Variants in PARP2 observed in about 807,000 individuals in gnomAD.
PARP2 encodes the protein poly(ADP-ribose) polymerase 2.
PARP2 carries 57 observed loss-of-function variants against 77.8 expected under a neutral mutation model. The ratio of observed to expected loss-of-function variants is 0.73; its 90% CI spans 0.59 to 0.91. The LOEUF is 0.91. PARP2 is among the 40% of genes least tolerant of loss of function. The probability of loss-of-function intolerance (pLI) is 0.00; values close to 1 mark genes in which losing one functional copy is unlikely to be tolerated. For synonymous variants in PARP2, 226 were observed against 242.6 expected (o/e 0.93, Z 0.64); for missense variants, 651 against 689.0 (o/e 0.94, Z 0.62).
intron 4 of PARP2, among the ~76,000 whole-genome samples, chr14:20,347,287 C>T (rs1296795297): frequency 7.0e-6 from 1 of 141,902 alleles, no homozygotes; most frequent in East Asian, 2.0e-4. Flanking sequence ...CCACCTCAGC[C>T]TCCCAAAATG....
At chr14:20,344,706 A>T in intron 1 of PARP2, among the ~76,000 whole-genome samples, 1 of 152,112 alleles carries the variant, frequency 6.6e-6, no homozygotes, top group African/African-American at 2.4e-5. Flanking sequence ...CCAGCTACTC[A>T]GGAGGCTGAG....
At chr14:20,343,788 C>G in intron 1 of PARP2, 101 bp downstream of exon 1, 1 of 1,278,794 alleles carries the variant, frequency 7.8e-7, no homozygotes, top group African/African-American at 1.5e-5. Flanking sequence ...CTCCCTATAA[C>G]CTGCACTTGG....
intron 7 of PARP2, among the ~76,000 whole-genome samples, chr14:20,353,297 A>G (rs892439950): frequency 2.6e-5 from 4 of 151,318 alleles, no homozygotes; most frequent in Non-Finnish European, 4.4e-5. Flanking sequence ...GCTGGAGTGC[A>G]GTGGCGCGAT....
intron 2 of PARP2, 139 bp downstream of exon 2, chr14:20,345,226 C>T: frequency 9.7e-7 from 1 of 1,026,706 alleles, no homozygotes; most frequent in Non-Finnish European, 1.5e-6. Flanking sequence ...CATACCACAG[C>T]ACTAATCTAC....
In PARP2 at chr14:20,357,656, A is replaced by G. The variant is rs751629734; in HGVS notation, c.1572A>G (p.Pro524=). The part of the protein sequence containing the change: ...HFVTLNGSTV[P]LGPASDTGIL... ...TTGGCAGGAATGGGAGTACAGTGCC[A>G]TTAGGACCAGCAAGTGACACAGGAA... Residue 524 remains proline, a synonymous_variant, in exon 16 of 16, where the codon CCA becomes CCG. Transcript: ENST00000429687. The G allele has an allele frequency of 1.9e-6, 3 of 1,613,616 alleles. No individual in the cohort carries two copies. Among genetic ancestry groups the G allele is most frequent in the African/African-American group, 1.3e-5 (1 of 74,910 alleles).
At position 20,346,911 on chromosome 14, in the gene PARP2, C is replaced by T; in HGVS notation, c.322C>T (p.Gln108Ter). 6.3e-7 allele frequency: 1 copy of T among 1,597,818 alleles called. No homozygotes were observed. The highest frequency in any genetic ancestry group is 1.3e-5 in the African/African-American group (1 of 74,310). The change falls in exon 4 of 16, where the codon CAG (glutamine) becomes TAG (stop). Residue 108 changes from glutamine to a stop codon, truncating the protein, a stop_gained and splice_region_variant. Coordinates refer to ENST00000429687, the MANE Select transcript of PARP2 (RefSeq NM_001042618.2). LOFTEE classifies it high-confidence loss of function. ...GNDVYDVMLN[Q>*]TNLQFNNNKY... ...TGATGTCTATGATGTCATGCTAAATCAGGTAAGAGGCAAGAAGAGGTGGCA... is the reference window on the plus strand; with the variant it reads ...TGATGTCTATGATGTCATGCTAAATTAGGTAAGAGGCAAGAAGAGGTGGCA...
In PARP2 at chr14:20,354,316, A is replaced by G. The variant is rs1225941949; in HGVS notation, c.763+69A>G. 5.6e-6 allele frequency: 7 copies of G among 1,242,442 alleles called. No homozygotes were observed. The African/African-American group carries it at 9.0e-5, about 16-fold the overall frequency. 77.0% of individuals were successfully genotyped at this position (1,242,442 alleles called of 1,614,324 possible). On this transcript the variant is annotated intron_variant, in intron 8 of 15. Transcript: ENST00000429687. ...TAGCTCCTTTAATGGATACTTTATT[A>G]TCATTATGATTTAAAGCTTGCTCAT...
Position 20,352,125 on chromosome 14 carries a change from G to A in PARP2, c.498-120G>A, listed in dbSNP as rs143587096. 5.7e-3 allele frequency: 3,028 copies of A among 528,478 alleles called. 15 individuals carry two copies. The highest frequency in any genetic ancestry group is 6.7e-3 in the Non-Finnish European group (1,985 of 297,618). 32.7% of individuals were successfully genotyped at this position (528,478 alleles called of 1,614,324 possible). ...TTAGACTAATTTTGATTTATGGAAAGTTGATGTGTAAAGGAGCTCAGTGCT... is the reference window on the plus strand; with the variant it reads ...TTAGACTAATTTTGATTTATGGAAAATTGATGTGTAAAGGAGCTCAGTGCT... On this transcript the variant is annotated intron_variant, in intron 6 of 15. Transcript: ENST00000429687.
rs531881554 is a variant in PARP2, at chr14:20,355,971, A to G, written c.1041A>G (p.Gln347=). ...ELQSPEHPLD[Q]HYRNLHCALR... ...AAAGCCCAGAACACCCATTGGACCA[A>G]CACTATAGAAACCTACATTGTGCCT... The change falls in exon 11 of 16, where the codon CAA becomes CAG. Residue 347 remains glutamine (Q), a synonymous_variant. Transcript: ENST00000429687. The G allele has an allele frequency of 6.2e-6, 10 of 1,614,128 alleles. No individual in the cohort carries two copies. The East Asian group carries it at 1.6e-4, about 25-fold the overall frequency.
Position 20,354,168 on chromosome 14 carries a change from A to G in PARP2, c.684A>G (p.Leu228=). Residue 228 remains leucine (L), a synonymous_variant, in exon 8 of 16, where the codon TTA becomes TTG. Coordinates refer to ENST00000429687, the MANE Select transcript of PARP2 (RefSeq NM_001042618.2). ...AGCTAGATCTTCGGGTACAGGAGTTAATAAAGTTGATCTGTAATGTTCAGG... is the reference window on the plus strand; with the variant it reads ...AGCTAGATCTTCGGGTACAGGAGTTGATAAAGTTGATCTGTAATGTTCAGG... ...ESQLDLRVQE[L]IKLICNVQAM... is the part of the protein sequence containing the mutation. 1 of 1,612,784 alleles carries G rather than the reference A, an allele frequency of 6.2e-7. No homozygotes were observed. The highest frequency in any genetic ancestry group is 8.5e-7 in the Non-Finnish European group (1 of 1,178,758).
At chr14:20,348,780 G>A (rs1038484407) in intron 4 of PARP2, among the ~76,000 whole-genome samples, 8 of 152,180 alleles carry the variant, frequency 5.3e-5, no homozygotes, top group African/African-American at 1.7e-4. Context: ...AGCACTTTGG[G>A]AGGCTGAGGC....
chr14:20,347,398 A>ATTTTTT (rs58569972), intron 4 of PARP2, among the ~76,000 whole-genome samples: 2 of 6,886 alleles, frequency 2.9e-4, no homozygotes, highest in Non-Finnish European at 2.3e-4. Context: ...ATATATATAT[A>ATTTTTT]TTTTTTTTTT....
At chr14:20,343,803 C>A in intron 1 of PARP2, 116 bp downstream of exon 1, 4 of 1,121,980 alleles carry the variant, frequency 3.6e-6, no homozygotes, top group South Asian at 1.4e-5. Flanking sequence ...ACTTGGCTAC[C>A]AAACCAGTTG....
intron 7 of PARP2, among the ~76,000 whole-genome samples, chr14:20,353,559 A>C (rs1884036947): frequency 6.6e-6 from 1 of 152,120 alleles, no homozygotes; most frequent in African/African-American, 2.4e-5. Flanking sequence ...GTTTATTGTT[A>C]TGGACCAAGA....
intron 9 of PARP2, 188 bp downstream of exon 9, chr14:20,355,135 G>A: frequency 1.9e-6 from 1 of 526,874 alleles, no homozygotes; most frequent in Non-Finnish European, 3.2e-6. Context: ...CAATCTCCCG[G>A]CTTGACCACA....
chr14:20,346,534 A>G (rs1883726253), intron 3 of PARP2: 1 of 202,544 alleles, frequency 4.9e-6, no homozygotes, highest in Admixed American at 5.2e-5. Flanking sequence ...GGGCTTCACC[A>G]TGTTGGCCAA....
intron 10 of PARP2, 34 bp downstream of exon 10, chr14:20,355,849 C>A (rs1884125669): frequency 3.1e-6 from 5 of 1,612,516 alleles, no homozygotes; most frequent in Non-Finnish European, 4.2e-6. Context: ...GTATTATATC[C>A]CTTATACCAG....
rs370717658 is a variant in PARP2 at position 20,355,932 on chromosome 14, G to A, written c.1002G>A (p.Val334=). 1.3e-5 allele frequency: 21 copies of A among 1,614,114 alleles called. No individual in the cohort carries two copies. The highest frequency in any genetic ancestry group is 3.3e-5 in the Admixed American group (2 of 60,022). The change falls in exon 11 of 16, where the codon GTG becomes GTA. Residue 334 remains valine (V), a synonymous_variant. Transcript: ENST00000429687. ...LGDIEIAIKL[V]KTELQSPEHP... ...ACATTGAAATTGCTATTAAGCTGGT[G>A]AAAACAGAGCTACAAAGCCCAGAAC...
At chr14:20,345,276 G>A in intron 2 of PARP2, 118 bp from the exon 3 acceptor site, 4 of 1,054,166 alleles carry the variant, frequency 3.8e-6, no homozygotes, top group Non-Finnish European at 5.7e-6. Flanking sequence ...AGATGGATTG[G>A]GGTCTAAGGA....
Sources: allele counts gnomAD v4.1 joint callset (sites outside exome capture counted in the v4.1 genomes callset), GRCh38; gene constraint gnomAD v4.1.1; transcripts MANE v1.5; gene names NCBI Gene and HGNC (gene_info 2026-07-23, HGNC 2026-07-21).